Variants in RBFOX1 observed in about 807,000 individuals in gnomAD.
The protein encoded by RBFOX1 is RNA binding protein fox-1 homolog 1.
RBFOX1 carries 8 observed loss-of-function variants against 57.7 expected under a neutral mutation model. The ratio of observed to expected loss-of-function variants is 0.14; its 90% CI spans 0.08 to 0.25. The LOEUF is 0.25. Among genes scored for constraint, RBFOX1 ranks in the 10% least tolerant of loss-of-function variants. The pLI, the probability that RBFOX1 is intolerant of heterozygous loss-of-function variation, is 1.00. For synonymous variants in RBFOX1, 326 were observed against 222.4 expected, an observed-to-expected ratio of 1.47 and a Z score of -4.15; for missense variants, 611 against 548.5, an observed-to-expected ratio of 1.11 and a Z score of -1.14.
At chr16:7,530,278 TG>T (rs1168275654) in intron 5 of RBFOX1, among the ~76,000 whole-genome samples, 5 of 152,120 alleles carry the variant, frequency 3.3e-5, no homozygotes, top group African/African-American at 1.2e-4. Context: ...CACTGTACCA[TG>T]CCCTTCCTCT....
At chr16:6,722,744 G>T (rs1035468391) in intron 3 of RBFOX1, among the ~76,000 whole-genome samples, 1 of 152,222 alleles carries the variant, frequency 6.6e-6, no homozygotes, top group South Asian at 2.1e-4. Context: ...TAAGGGCCCC[G>T]TTCATCAATA....
At chr16:6,965,539 G>C (rs1228603606) in intron 3 of RBFOX1, among the ~76,000 whole-genome samples, 1 of 152,146 alleles carries the variant, frequency 6.6e-6, no homozygotes, top group African/African-American at 2.4e-5. Context: ...GTTTCACCAT[G>C]TTGGCCAGGC....
intron 1 of RBFOX1, among the ~76,000 whole-genome samples, chr16:6,107,487 C>G (rs17193908): frequency 0.68 from 102,555 of 151,892 alleles, 34,975 homozygotes; most frequent in African/African-American, 0.76. Flanking sequence ...TTGTCCCCTA[C>G]TGTAGTGTCA....
chr16:6,179,927 G>A (rs963013513), intron 1 of RBFOX1, among the ~76,000 whole-genome samples: 2 of 152,132 alleles, frequency 1.3e-5, no homozygotes, highest in African/African-American at 4.8e-5. Context: ...GGTGTATTTT[G>A]TCATGAAAGG....
intron 3 of RBFOX1, among the ~76,000 whole-genome samples, chr16:5,752,195 C>G (rs1181711881): frequency 6.6e-6 from 1 of 152,190 alleles, no homozygotes; most frequent in African/African-American, 2.4e-5. Flanking sequence ...ACTGCATGTT[C>G]TTACTTAGAA....
At chr16:6,972,153 T>C (rs2085708001) in intron 3 of RBFOX1, among the ~76,000 whole-genome samples, 1 of 152,160 alleles carries the variant, frequency 6.6e-6, no homozygotes, top group South Asian at 2.1e-4. Context: ...TATAGTTCAG[T>C]AGTGTTCAGT....
intron 4 of RBFOX1, among the ~76,000 whole-genome samples, chr16:5,911,840 C>T (rs181838721): frequency 4.6e-5 from 7 of 152,208 alleles, no homozygotes; most frequent in South Asian, 2.1e-4. Context: ...TCATCTCAAC[C>T]ATGAGGGCCC....
chr16:7,085,849 A>G (rs958396804), intron 4 of RBFOX1, among the ~76,000 whole-genome samples: 10 of 152,172 alleles, frequency 6.6e-5, no homozygotes, highest in African/African-American at 2.2e-4. Context: ...TTTAGCACTG[A>G]AAATCCTGCA....
intron 4 of RBFOX1, among the ~76,000 whole-genome samples, chr16:7,507,643 A>C (rs1481895805): frequency 3.6e-5 from 5 of 139,684 alleles, no homozygotes; most frequent in Admixed American, 2.4e-4. Context: ...GGCTCGCTGC[A>C]AGCTCCGCCT....
chr16:7,385,513 A>C (rs1229331428), intron 4 of RBFOX1, among the ~76,000 whole-genome samples: 1 of 152,182 alleles, frequency 6.6e-6, no homozygotes, highest in African/African-American at 2.4e-5. Context: ...AATAGAAAGT[A>C]GTGAGTGGGA....
At chr16:6,592,770 G>A (rs2097729935) in intron 2 of RBFOX1, among the ~76,000 whole-genome samples, 1 of 152,104 alleles carries the variant, frequency 6.6e-6, no homozygotes, top group African/African-American at 2.4e-5. Context: ...TGAAATAGAG[G>A]TTATTCTGTT....
intron 1 of RBFOX1, among the ~76,000 whole-genome samples, chr16:5,395,696 A>T (rs1011406293): frequency 2.6e-5 from 4 of 152,196 alleles, no homozygotes; most frequent in African/African-American, 7.2e-5. Context: ...AGAATGTGGC[A>T]AAAGGGATGC....
At chr16:6,520,557 A>G (rs1015812423) in intron 2 of RBFOX1, among the ~76,000 whole-genome samples, 3 of 151,750 alleles carry the variant, frequency 2.0e-5, no homozygotes, top group African/African-American at 4.9e-5. Flanking sequence ...AAGCAAAAAA[A>G]CATTGGTTCT....
Position 5,862,819 on chromosome 16 carries a change from C to T in RBFOX1, c.319-4484C>T, listed in dbSNP as rs958896039. On this transcript the variant is annotated intron_variant, in intron 3 of 19. Transcript: ENST00000641259. ...ATAAAAGTTATACAGGGTAGCCCCA[C>T]GCTGTTCAGCATGGAAGGCACACAC... 2.2e-4 allele frequency among the ~76,000 whole-genome samples: 33 copies of T among 152,160 alleles called. 1 individual carries two copies. Among genetic ancestry groups the T allele is most frequent in the Non-Finnish European group, 3.2e-4 (22 of 68,040 alleles).
chr16:5,251,895 T>TA lies in RBFOX1; in HGVS notation c.219+11801dup, dbSNP rs1029058234. Among the ~76,000 whole-genome samples the TA allele has an allele frequency of 5.0e-3, 735 of 146,624 alleles. 9 individuals are homozygous for TA. Among genetic ancestry groups the TA allele is most frequent in the African/African-American group, 0.016 (647 of 40,124 alleles). On this transcript the variant is annotated intron_variant, in intron 1 of 2. Transcript: ENST00000585867. ...AATTAAATGGAATTAACTTCAAGTT[T>TA]AAAAAAAAAAAGAAGAAGTGGGGCT...
chr16:6,995,290 T>TGTGTGTG (rs2092083895), intron 3 of RBFOX1, among the ~76,000 whole-genome samples: 5 of 138,416 alleles, frequency 3.6e-5, no homozygotes, highest in South Asian at 2.5e-4. Context: ...GAAAGTAGCC[T>TGTGTGTG]TGTGTGTGTG....
chr16:6,150,540 C>G (rs188096956), intron 1 of RBFOX1, among the ~76,000 whole-genome samples: 10 of 152,154 alleles, frequency 6.6e-5, no homozygotes, highest in African/African-American at 2.4e-4. Flanking sequence ...CCAAATGAAC[C>G]AAATGAATGC....
intron 4 of RBFOX1, among the ~76,000 whole-genome samples, chr16:7,328,471 CTG>C (rs2096641499): frequency 1.0e-5 from 1 of 99,354 alleles, no homozygotes; most frequent in Non-Finnish European, 1.8e-5. Context: ...GAGCGAGACT[CTG>C]TCTCAAAAAA....
intron 4 of RBFOX1, among the ~76,000 whole-genome samples, chr16:7,064,080 C>T (rs113970361): frequency 7.3e-5 from 11 of 151,390 alleles, no homozygotes; most frequent in African/African-American, 2.4e-4. Context: ...TGTGACTGTA[C>T]TTGAAGCTAA....
Sources: gnomAD v4.1 joint callset for allele counts (sites outside exome capture counted in the v4.1 genomes callset) on GRCh38, gnomAD v4.1.1 for gene constraint, MANE v1.5 for transcripts, NCBI Gene and HGNC (gene_info 2026-07-23, HGNC 2026-07-21) for gene names.